The following EFNA5 variants were observed in gnomAD, a reference collection of about 807,000 sequenced individuals.
EFNA5 encodes ephrin-A5.
Under a neutral mutation model 22.9 loss-of-function variants are expected in EFNA5, and 5 were observed. That is an observed-to-expected ratio of 0.22 (90% CI 0.11 to 0.46). The LOEUF (loss-of-function observed/expected upper bound fraction) is 0.46. Among genes scored for constraint, EFNA5 ranks in the 20% least tolerant of loss-of-function variants. EFNA5 has a pLI of 0.99. For synonymous variants in EFNA5, 113 were observed against 112.2 expected, an observed-to-expected ratio of 1.01 and a Z score of -0.04; for missense variants, 237 against 293.3, an observed-to-expected ratio of 0.81 and a Z score of 1.40.
rs149850887 is a variant in EFNA5, at chr5:107,469,091, T to C, written c.126-41582A>G. On this transcript the variant is annotated intron_variant, in intron 1 of 4. Coordinates refer to ENST00000333274, the MANE Select transcript of EFNA5 (RefSeq NM_001962.3). ...TGCAGGATCCAGTGCAAAATAAAAA[T>C]GTGGGGCCCCTTGTTAAAACATTAT... is the stretch of plus-strand genomic sequence containing the variant. Among the ~76,000 whole-genome samples the C allele has an allele frequency of 3.9e-3, 591 of 152,276 alleles. 3 individuals carry two copies. Among genetic ancestry groups the C allele is most frequent in the African/African-American group, 0.013 (529 of 41,560 alleles).
chr5:107,566,661 A>T (rs1050259937), intron 1 of EFNA5, among the ~76,000 whole-genome samples: 1 of 152,152 alleles, frequency 6.6e-6, no homozygotes, highest in African/African-American at 2.4e-5. Context: ...TCACACACTT[A>T]AAAAAAGACT....
At chr5:107,670,030 TAAAAAAAAAA>T (rs67814628) in intron 1 of EFNA5, among the ~76,000 whole-genome samples, 11 of 116,690 alleles carry the variant, frequency 9.4e-5, no homozygotes, top group East Asian at 8.0e-4. Flanking sequence ...AAATTAAAAT[TAAAAAAAAAA>T]AAAAAAAAAA....
At chr5:107,591,884 A>ATATATAT (rs1749339032) in intron 1 of EFNA5, among the ~76,000 whole-genome samples, 2 of 25,286 alleles carry the variant, frequency 7.9e-5, no homozygotes, top group African/African-American at 5.7e-4. Context: ...AATATATAAT[A>ATATATAT]TATATATTAT....
At chr5:107,631,777 T>C (rs1750260189) in intron 1 of EFNA5, among the ~76,000 whole-genome samples, 3 of 152,236 alleles carry the variant, frequency 2.0e-5, no homozygotes, top group African/African-American at 7.2e-5. Context: ...AATAAAGTTA[T>C]CAGAATAGTT....
chr5:107,667,563 A>G (rs1751103909), intron 1 of EFNA5, among the ~76,000 whole-genome samples: 2 of 152,152 alleles, frequency 1.3e-5, no homozygotes, highest in Non-Finnish European at 2.9e-5. Context: ...GATTTTACCT[A>G]AACATAATTT....
chr5:107,525,478 CCT>C (rs1747676533), intron 1 of EFNA5, among the ~76,000 whole-genome samples: 1 of 152,094 alleles, frequency 6.6e-6, no homozygotes, highest in Admixed American at 6.6e-5. Flanking sequence ...ATTTCTTAAA[CCT>C]TAAATACTAA....
intron 1 of EFNA5, among the ~76,000 whole-genome samples, chr5:107,469,098 C>G (rs930876354): frequency 1.3e-5 from 2 of 152,076 alleles, no homozygotes; most frequent in Non-Finnish European, 2.9e-5. Context: ...AAATGTGGGG[C>G]CCCTTGTTAA....
chr5:107,498,069 T>G (rs1221220603), intron 1 of EFNA5, among the ~76,000 whole-genome samples: 9 of 152,194 alleles, frequency 5.9e-5, no homozygotes, highest in Admixed American at 5.9e-4. Context: ...ACATGTGCCA[T>G]CATGCCCAGC....
chr5:107,577,945 G>A, intron 1 of EFNA5, among the ~76,000 whole-genome samples: 1 of 152,180 alleles, frequency 6.6e-6, no homozygotes, highest in East Asian at 1.9e-4. Flanking sequence ...ATGCCTGACA[G>A]TTGGCATTTT....
intron 2 of EFNA5, among the ~76,000 whole-genome samples, chr5:107,416,065 C>T (rs1748496881): frequency 6.6e-6 from 1 of 152,190 alleles, no homozygotes; most frequent in South Asian, 2.1e-4. Flanking sequence ...CATTAAATGC[C>T]TTCATCACAA....
chr5:107,513,859 A>G (rs559701413), intron 1 of EFNA5, among the ~76,000 whole-genome samples: 1 of 152,270 alleles, frequency 6.6e-6, no homozygotes, highest in South Asian at 2.1e-4. Flanking sequence ...AGGGGAGAGG[A>G]AATAAGTGTG....
intron 2 of EFNA5, among the ~76,000 whole-genome samples, chr5:107,399,414 G>GGAGA (rs371664667): frequency 4.0e-5 from 6 of 148,868 alleles, no homozygotes; most frequent in Non-Finnish European, 7.4e-5. Flanking sequence ...AAGGAAGGAA[G>GGAGA]GAGAGAGAGA....
At chr5:107,489,534 T>G (rs1297932359) in intron 1 of EFNA5, among the ~76,000 whole-genome samples, 1 of 152,114 alleles carries the variant, frequency 6.6e-6, no homozygotes, top group African/African-American at 2.4e-5. Flanking sequence ...AATGTTAAAA[T>G]CATACCTAAA....
chr5:107,398,219 A>T (rs1747979790), intron 2 of EFNA5, among the ~76,000 whole-genome samples: 1 of 152,124 alleles, frequency 6.6e-6, no homozygotes, highest in Non-Finnish European at 1.5e-5. Flanking sequence ...TCTCCTGGAA[A>T]GTCCACCTTT....
chr5:107,604,498 C>T (rs921289267), intron 1 of EFNA5, among the ~76,000 whole-genome samples: 3 of 152,174 alleles, frequency 2.0e-5, no homozygotes, highest in Non-Finnish European at 4.4e-5. Context: ...AAGGAAATAA[C>T]TTAATTCAGC....
chr5:107,489,665 C>CCA (rs1175081761), intron 1 of EFNA5, among the ~76,000 whole-genome samples: 1 of 150,114 alleles, frequency 6.7e-6, no homozygotes, highest in African/African-American at 2.5e-5. Flanking sequence ...CACCTACCCC[C>CCA]CCCACCAAGA....
intron 1 of EFNA5, among the ~76,000 whole-genome samples, chr5:107,524,505 C>G (rs577406079): frequency 6.6e-6 from 1 of 152,308 alleles, no homozygotes; most frequent in African/African-American, 2.4e-5. Flanking sequence ...TATACATCAT[C>G]TACTATTTAC....
intron 1 of EFNA5, among the ~76,000 whole-genome samples, chr5:107,555,745 G>C (rs1045277438): frequency 7.2e-5 from 11 of 152,148 alleles, no homozygotes; most frequent in African/African-American, 2.7e-4. Context: ...AAAAATAATG[G>C]AAAGAAACTT....
At position 107,539,323 on chromosome 5, in the gene EFNA5, G is replaced by A. The variant is rs187613126; in HGVS notation, c.126-111814C>T. ...GATCCCCCTGATCCTCTGACACTGG[G>A]AAAGAGAGAGCAATGGAAAATACTA... On this transcript the variant is annotated intron_variant, in intron 1 of 4. Transcript: ENST00000333274. 3.4e-3 allele frequency among the ~76,000 whole-genome samples: 513 copies of A among 152,336 alleles called. 1 individual carries two copies. The highest frequency in any genetic ancestry group is 4.8e-3 in the Non-Finnish European group (327 of 68,024).
Sources: gnomAD v4.1 joint callset for allele counts (sites outside exome capture counted in the v4.1 genomes callset) on GRCh38, gnomAD v4.1.1 for gene constraint, MANE v1.5 for transcripts, NCBI Gene and HGNC (gene_info 2026-07-23, HGNC 2026-07-21) for gene names.